HSH2D: variants seen among roughly 807,000 people sequenced by gnomAD.
The protein encoded by HSH2D is hematopoietic SH2 domain containing.
In HSH2D, 16 loss-of-function variants were observed where a neutral mutation model predicts 21.5. The ratio of observed to expected loss-of-function variants is 0.74; its 90% CI spans 0.50 to 1.13. The LOEUF is 1.13. Among genes scored for constraint, HSH2D ranks in the 50% most tolerant of loss-of-function variants. The pLI is 0.00. For missense variants in HSH2D, 418 were observed against 441.4 expected, an observed-to-expected ratio of 0.95 and a Z score of 0.47; for synonymous variants, 172 against 184.7, an observed-to-expected ratio of 0.93 and a Z score of 0.56.
upstream of HSH2D, among the ~76,000 whole-genome samples, chr19:16,143,236 C>T (rs1002688737): frequency 3.9e-5 from 6 of 152,110 alleles, no homozygotes; most frequent in African/African-American, 7.2e-5. Context: ...AGGCGTGCGC[C>T]GCCACACCCG....
Position 16,157,044 on chromosome 19 carries a change from A to G in HSH2D, c.475-166A>G, listed in dbSNP as rs1250715640. On this transcript the variant is annotated intron_variant, in intron 5 of 5. Transcript: ENST00000613986. The surrounding 1 kb of genome is among the most constrained non-coding windows in gnomAD (Gnocchi z 4.4). ...AACCCCTGGGGGAGACAGTGAAGCC[A>G]TTTACTGAGACGAGAAAGATGGGGC... Among the ~76,000 whole-genome samples, 1 of 151,790 alleles carries G rather than the reference A, an allele frequency of 6.6e-6. No individual in the cohort carries two copies. Among genetic ancestry groups the G allele is most frequent in the Non-Finnish European group, 1.5e-5 (1 of 67,970 alleles).
chr19:16,144,630 G>A (rs372391955), intron 1 of HSH2D, among the ~76,000 whole-genome samples: 16 of 151,588 alleles, frequency 1.1e-4, no homozygotes, highest in South Asian at 6.3e-4. Context: ...GTCACACAGC[G>A]GCTAAGTGGG....
intron 2 of HSH2D, among the ~76,000 whole-genome samples, chr19:16,149,110 A>G (rs989644703): frequency 3.3e-5 from 5 of 152,152 alleles, no homozygotes; most frequent in African/African-American, 7.2e-5. Context: ...ACAAGTGGCC[A>G]ACAGACCAGC....
At chr19:16,138,876 T>TG (rs2090981246), upstream of HSH2D, among the ~76,000 whole-genome samples, 2 of 151,802 alleles carry the variant, frequency 1.3e-5, no homozygotes, top group Non-Finnish European at 2.9e-5. Context: ...CTTTTTTTTT[T>TG]GAGACACAGT....
rs368091372 is a variant in HSH2D at position 16,152,519 on chromosome 19, T to C, written c.126-33T>C. On this transcript the variant is annotated intron_variant, in intron 2 of 5. Transcript: ENST00000613986. ...TAACTGGTACGTGGGGCGGCTGGAC[T>C]GTTTCATTTCCTTTCTGTGTGTGCC... is the stretch of plus-strand genomic sequence containing the variant. The C allele has an allele frequency of 1.7e-4, 231 of 1,387,516 alleles. No homozygotes were observed. In the African/African-American group the frequency reaches 3.0e-3, roughly 18 times the overall value. 86.0% of individuals were successfully genotyped at this position (1,387,516 alleles called of 1,614,324 possible). A position where few individuals can be genotyped will look rare whatever the true frequency, so the allele number is the denominator to read the frequency against.
chr19:16,135,359 T>G (rs190616760), intron 1 of HSH2D, among the ~76,000 whole-genome samples: 1 of 151,326 alleles, frequency 6.6e-6, no homozygotes, highest in Non-Finnish European at 1.5e-5. Flanking sequence ...AGCCCAGGAG[T>G]TGGAGGCTGC....
chr19:16,147,500 A>C (rs1336960308), intron 1 of HSH2D, among the ~76,000 whole-genome samples: 6 of 146,882 alleles, frequency 4.1e-5, no homozygotes, highest in Admixed American at 6.7e-5. Context: ...AAAAAAAAAG[A>C]AAAAAAACAC....
chr19:16,134,720 G>T (rs2090948891), intron 1 of HSH2D, among the ~76,000 whole-genome samples: 1 of 152,042 alleles, frequency 6.6e-6, no homozygotes, highest in Admixed American at 6.6e-5. Context: ...CGACCACCTG[G>T]ACCTCTGTGA....
intron 4 of HSH2D, 50 bp from the exon 5 acceptor site, chr19:16,154,349 G>T: frequency 7.6e-7 from 1 of 1,323,966 alleles, no homozygotes; most frequent in Non-Finnish European, 1.1e-6. Flanking sequence ...GTCCGTGCAG[G>T]ACCTTTCCCC....
In HSH2D at chr19:16,157,998, G is replaced by A. The variant is rs925334568; in HGVS notation, c.*204G>A. 2 of 535,454 alleles carry A rather than the reference G, an allele frequency of 3.7e-6. No homozygotes were observed. Among genetic ancestry groups the A allele is most frequent in the Non-Finnish European group, 3.3e-6 (1 of 303,838 alleles). 33.2% of individuals were successfully genotyped at this position (535,454 alleles called of 1,614,324 possible). A position where few individuals can be genotyped will look rare whatever the true frequency, so the allele number is the denominator to read the frequency against. On this transcript the variant is annotated 3_prime_UTR_variant, in exon 6 of 6. Transcript: ENST00000613986. The surrounding 1 kb of genome is among the most constrained non-coding windows in gnomAD (Gnocchi z 4.4). The stretch of plus-strand genomic sequence containing the variant: ...TTTTAGCAACAATCATCAGAGTGAC[G>A]CTGATGGTTTGGGGCACCAGCTATA...
upstream of HSH2D, chr19:16,143,618 T>C (rs1490280044): frequency 5.6e-6 from 2 of 354,438 alleles, no homozygotes; most frequent in African/African-American, 2.2e-5. Context: ...GAGCTGTCCT[T>C]GTTCCGCCCC....
At chr19:16,146,075 CAA>C (rs796457464) in intron 1 of HSH2D, among the ~76,000 whole-genome samples, 18 of 59,818 alleles carry the variant, frequency 3.0e-4, no homozygotes, top group Non-Finnish European at 2.0e-4. Flanking sequence ...GATTCCATCT[CAA>C]AAAAAAAAAA....
At position 16,149,948 on chromosome 19, in the gene HSH2D, G is replaced by A. The variant is rs1475323703; in HGVS notation, c.125+1073G>A. 2.0e-5 allele frequency among the ~76,000 whole-genome samples: 3 copies of A among 152,112 alleles called. No individual in the cohort carries two copies. The East Asian group carries it at 5.8e-4, about 29-fold the overall frequency. On this transcript the variant is annotated intron_variant, in intron 2 of 5. Coordinates refer to ENST00000613986, the MANE Select transcript of HSH2D (RefSeq NM_001382417.1). ...TGGGCCCGGCTCTAACTAAATGGAG[G>A]AAAAAATATTTATGGCCACTCTCTG...
chr19:16,148,187 C>T (rs572690581), intron 1 of HSH2D, among the ~76,000 whole-genome samples: 28 of 151,524 alleles, frequency 1.8e-4, no homozygotes, highest in Non-Finnish European at 3.2e-4. Flanking sequence ...CTCACTCTGT[C>T]GCCCAGGCTG....
At chr19:16,150,919 G>A (rs1391619042) in intron 2 of HSH2D, among the ~76,000 whole-genome samples, 1 of 152,146 alleles carries the variant, frequency 6.6e-6, no homozygotes, top group Non-Finnish European at 1.5e-5. Flanking sequence ...TTGGAAATCA[G>A]TACAAAAGGC....
At position 16,157,481 on chromosome 19, in the gene HSH2D, A is replaced by G; in HGVS notation, c.746A>G (p.Lys249Arg). The change falls in exon 6 of 6, where the codon AAA (lysine) becomes AGA (arginine). Residue 249 changes from lysine (K) to arginine (R), a missense_variant. Transcript: ENST00000613986. This position sits in a 1 kb window ranked among gnomAD's most constrained non-coding sequence, Gnocchi z 4.4. ...STVISGPGTGKGSQDHSGDPT... is the reference protein window; with the variant it reads ...STVISGPGTGRGSQDHSGDPT... The stretch of plus-strand genomic sequence containing the variant: ...GTGATCTCAGGCCCTGGGACCGGAA[A>G]AGGCAGCCAAGATCACTCAGGGGAT... The G allele has an allele frequency of 6.2e-7, 1 of 1,613,880 alleles. No individual in the cohort carries two copies. Among genetic ancestry groups the G allele is most frequent in the South Asian group, 1.1e-5 (1 of 91,064 alleles).
At chr19:16,135,228 C>T (rs971934531) in intron 1 of HSH2D, among the ~76,000 whole-genome samples, 5 of 151,982 alleles carry the variant, frequency 3.3e-5, no homozygotes, top group South Asian at 2.1e-4. Context: ...GCCGAGATTG[C>T]GCCACTGCAC....
chr19:16,146,252 A>T (rs886787200), intron 1 of HSH2D, among the ~76,000 whole-genome samples: 1 of 152,118 alleles, frequency 6.6e-6, no homozygotes, highest in African/African-American at 2.4e-5. Context: ...CCGCTTGCTT[A>T]AAATTGTCAA....
chr19:16,152,496 A>C (rs1349493756), intron 2 of HSH2D, 56 bp from the exon 3 acceptor site: 2 of 1,109,396 alleles, frequency 1.8e-6, no homozygotes, highest in African/African-American at 3.2e-5. Flanking sequence ...CAGGAGTCTA[A>C]CTGGTACGTG....
Sources: allele counts gnomAD v4.1 joint callset (sites outside exome capture counted in the v4.1 genomes callset), GRCh38; gene constraint gnomAD v4.1.1; non-coding constraint Gnocchi (gnomAD v3.1); transcripts MANE v1.5; gene names NCBI Gene and HGNC (gene_info 2026-07-23, HGNC 2026-07-21).